Variants in ADAMTSL1 observed in about 807,000 individuals in gnomAD.
ADAMTSL1 encodes the protein ADAMTS like 1, also known as ADAMTS-like protein 1.
A neutral mutation model predicts 201.8 loss-of-function variants in ADAMTSL1; 126 were observed. The ratio of observed to expected loss-of-function variants is 0.62; its 90% CI spans 0.54 to 0.72. The LOEUF is 0.72. Ranked by LOEUF, ADAMTSL1 falls within the 30% of genes least tolerant of loss-of-function variation. ADAMTSL1 has a pLI of 0.00. For synonymous variants in ADAMTSL1, 1,121 were observed against 903.4 expected (o/e 1.24, Z -4.32); for missense variants, 2,679 against 2,277.8 (o/e 1.18, Z -3.59).
intron 1 of ADAMTSL1, among the ~76,000 whole-genome samples, chr9:18,074,534 C>CTTTTCTTTTT (rs1823120349): frequency 1.5e-5 from 2 of 134,772 alleles, no homozygotes; most frequent in Admixed American, 7.6e-5. Flanking sequence ...CTTTTCTTTT[C>CTTTTCTTTTT]TTCTCTCTTC....
chr9:18,312,040 T>C (rs1834177655), intron 2 of ADAMTSL1, among the ~76,000 whole-genome samples: 1 of 152,216 alleles, frequency 6.6e-6, no homozygotes, highest in South Asian at 2.1e-4. Flanking sequence ...CCACAGAGCT[T>C]ACATCCTAGT....
intron 1 of ADAMTSL1, among the ~76,000 whole-genome samples, chr9:18,128,810 G>A (rs1342719403): frequency 6.6e-6 from 1 of 151,996 alleles, no homozygotes; most frequent in Non-Finnish European, 1.5e-5. Context: ...TTAGGCTAAA[G>A]CACCCTTATA....
intron 2 of ADAMTSL1, among the ~76,000 whole-genome samples, chr9:18,463,074 A>T (rs1026909197): frequency 6.6e-6 from 1 of 152,170 alleles, no homozygotes; most frequent in Non-Finnish European, 1.5e-5. Flanking sequence ...AAAATAACCA[A>T]ATCCAATCGA....
chr9:18,544,083 G>T (rs1408063226), intron 3 of ADAMTSL1, among the ~76,000 whole-genome samples: 1 of 152,124 alleles, frequency 6.6e-6, no homozygotes, highest in African/African-American at 2.4e-5. Flanking sequence ...TTTGGGGCAA[G>T]CTCTTCAACT....
chr9:18,794,112 A>G (rs1274903106), intron 19 of ADAMTSL1, among the ~76,000 whole-genome samples: 2 of 152,050 alleles, frequency 1.3e-5, no homozygotes, highest in African/African-American at 4.8e-5. Context: ...ACTTTATTCT[A>G]CTGGGAACCT....
chr9:18,399,304 T>G (rs1199431280), intron 2 of ADAMTSL1, among the ~76,000 whole-genome samples: 17 of 113,216 alleles, frequency 1.5e-4, no homozygotes, highest in African/African-American at 5.6e-4. Flanking sequence ...TATATATATA[T>G]ATATATATAT....
chr9:18,263,965 G>T (rs1000786554), intron 2 of ADAMTSL1, among the ~76,000 whole-genome samples: 1 of 152,062 alleles, frequency 6.6e-6, no homozygotes, highest in Non-Finnish European at 1.5e-5. Flanking sequence ...ATTTTGTTAG[G>T]GCAACCTCAG....
At chr9:18,744,480 C>G (rs1819018134) in intron 15 of ADAMTSL1, among the ~76,000 whole-genome samples, 1 of 152,224 alleles carries the variant, frequency 6.6e-6, no homozygotes, top group South Asian at 2.1e-4. Context: ...ACTCTACTTA[C>G]TTGTTTCCCA....
At chr9:18,135,469 G>A (rs1444830393) in intron 1 of ADAMTSL1, among the ~76,000 whole-genome samples, 1 of 152,074 alleles carries the variant, frequency 6.6e-6, no homozygotes, top group South Asian at 2.1e-4. Flanking sequence ...CCACAAGGTG[G>A]ACAGTTACCA....
intron 1 of ADAMTSL1, among the ~76,000 whole-genome samples, chr9:17,932,128 T>G (rs1826821096): frequency 6.6e-6 from 1 of 152,160 alleles, no homozygotes; most frequent in Non-Finnish European, 1.5e-5. Context: ...AGGATCTCTG[T>G]TCAGAGGAAT....
intron 23 of ADAMTSL1, among the ~76,000 whole-genome samples, chr9:18,849,328 T>C (rs1826335792): frequency 6.6e-6 from 1 of 152,158 alleles, no homozygotes; most frequent in Admixed American, 6.5e-5. Context: ...ACATTTCCTA[T>C]AGCCTGGATT....
chr9:18,645,947 G>C (rs945692735), intron 7 of ADAMTSL1, among the ~76,000 whole-genome samples: 1 of 150,594 alleles, frequency 6.6e-6, no homozygotes, highest in Non-Finnish European at 1.5e-5. Flanking sequence ...TAGCTTGATG[G>C]GGATGGCATT....
Position 18,706,990 on chromosome 9 carries a change from C to G in ADAMTSL1, c.1818C>G (p.Asp606Glu), listed in dbSNP as rs1832271578. The change falls in exon 14 of 29, where the codon GAC (aspartate) becomes GAG (glutamate). Residue 606 changes from aspartate (D) to glutamate (E), a missense_variant. Transcript: ENST00000380548. ...TCTTTGGTGGCCTGCAGGATTTCGA[C>G]GAGCTGTATGACTGGGAGTATGAGG... is the stretch of plus-strand genomic sequence containing the variant. ...DGLFGGLQDF[D>E]ELYDWEYEGF... is the part of the protein sequence containing the mutation. 2 of 1,613,940 alleles carry G rather than the reference C, an allele frequency of 1.2e-6. No homozygotes were observed. The highest frequency in any genetic ancestry group is 2.2e-5 in the South Asian group (2 of 91,074).
intron 2 of ADAMTSL1, among the ~76,000 whole-genome samples, chr9:18,233,618 A>G (rs545840639): frequency 6.6e-6 from 1 of 150,730 alleles, no homozygotes; most frequent in African/African-American, 2.5e-5. Flanking sequence ...GACAGACAGC[A>G]GACAAAGAGA....
chr9:18,656,772 C>T (rs763042474), intron 7 of ADAMTSL1, among the ~76,000 whole-genome samples: 1 of 151,944 alleles, frequency 6.6e-6, no homozygotes, highest in East Asian at 1.9e-4. Context: ...TTGGAACCTC[C>T]TTATAAAAAG....
intron 23 of ADAMTSL1, among the ~76,000 whole-genome samples, chr9:18,874,212 T>A (rs1042334159): frequency 3.9e-5 from 6 of 152,154 alleles, no homozygotes; most frequent in African/African-American, 1.4e-4. Context: ...TAGGGCTTTC[T>A]AGGTATATGA....
chr9:18,330,619 T>C (rs990844227), intron 2 of ADAMTSL1, among the ~76,000 whole-genome samples: 6 of 152,200 alleles, frequency 3.9e-5, no homozygotes, highest in African/African-American at 1.4e-4. Flanking sequence ...AAGCAAATCT[T>C]ATTTCCATTT....
chr9:18,283,324 A>G (rs1449149248), intron 2 of ADAMTSL1, among the ~76,000 whole-genome samples: 5 of 151,962 alleles, frequency 3.3e-5, no homozygotes, highest in African/African-American at 1.2e-4. Flanking sequence ...CCTATCTTTA[A>G]CCAGGTGTAG....
chr9:18,209,190 T>G (rs780873130), intron 2 of ADAMTSL1, among the ~76,000 whole-genome samples: 1 of 152,176 alleles, frequency 6.6e-6, no homozygotes, highest in Non-Finnish European at 1.5e-5. Context: ...GTTTGTTATA[T>G]GTTTTGCTTA....
Sources: gnomAD v4.1 joint callset for allele counts (sites outside exome capture counted in the v4.1 genomes callset) on GRCh38, gnomAD v4.1.1 for gene constraint, MANE v1.5 for transcripts, NCBI Gene and HGNC (gene_info 2026-07-23, HGNC 2026-07-21) for gene names.